Variants in SYT1 observed in about 807,000 individuals in gnomAD.
The protein encoded by SYT1 is synaptotagmin-1.
Under a neutral mutation model 44.8 loss-of-function variants are expected in SYT1, and 8 were observed. The ratio of observed to expected loss-of-function variants is 0.18; its 90% CI spans 0.10 to 0.32. SYT1 has a LOEUF of 0.32. Among genes scored for constraint, SYT1 ranks in the 10% least tolerant of loss-of-function variants. The probability of loss-of-function intolerance (pLI) is 1.00; values close to 1 mark genes in which losing one functional copy is unlikely to be tolerated. For synonymous variants in SYT1, 154 were observed against 188.8 expected (o/e 0.82, Z 1.51); for missense variants, 286 against 509.3 (o/e 0.56, Z 4.22).
chr12:79,071,305 C>T (rs554277479), intron 3 of SYT1, among the ~76,000 whole-genome samples: 2 of 152,114 alleles, frequency 1.3e-5, no homozygotes, highest in Non-Finnish European at 2.9e-5. Context: ...ATGCCAGACA[C>T]TATTATGAGT....
At chr12:79,289,311 G>A (rs144481122) in intron 5 of SYT1, among the ~76,000 whole-genome samples, 4 of 152,146 alleles carry the variant, frequency 2.6e-5, no homozygotes, top group African/African-American at 9.6e-5. Context: ...TTTTTCTTCC[G>A]AATTTTGTTC....
intron 9 of SYT1, among the ~76,000 whole-genome samples, chr12:79,358,636 A>G (rs1278993332): frequency 6.6e-6 from 1 of 152,154 alleles, no homozygotes; most frequent in African/African-American, 2.4e-5. Flanking sequence ...ACTGAAGTTC[A>G]GATCCCCCCA....
intron 10 of SYT1, 55 bp downstream of exon 10, chr12:79,444,261 T>C: frequency 6.3e-7 from 1 of 1,599,168 alleles, no homozygotes; most frequent in East Asian, 2.2e-5. Context: ...TCAGACCACA[T>C]AAATTATACA....
At chr12:79,358,907 C>A (rs1357057101) in intron 9 of SYT1, among the ~76,000 whole-genome samples, 1 of 152,186 alleles carries the variant, frequency 6.6e-6, no homozygotes, top group African/African-American at 2.4e-5. Context: ...AGTCAAATAG[C>A]TCCAGGGTGC....
At chr12:79,296,978 C>A (rs1879905871) in intron 7 of SYT1, among the ~76,000 whole-genome samples, 1 of 152,136 alleles carries the variant, frequency 6.6e-6, no homozygotes, top group South Asian at 2.1e-4. Context: ...TTACTTAGAA[C>A]AATATGTTTC....
At chr12:79,428,577 C>T (rs1387920713) in intron 9 of SYT1, among the ~76,000 whole-genome samples, 5 of 152,270 alleles carry the variant, frequency 3.3e-5, no homozygotes, top group Middle Eastern at 6.8e-3. Flanking sequence ...ATATGTGAAA[C>T]TTCTTGCAAT....
chr12:79,255,523 T>A (rs1877465034), intron 4 of SYT1, among the ~76,000 whole-genome samples: 1 of 152,180 alleles, frequency 6.6e-6, no homozygotes, highest in South Asian at 2.1e-4. Flanking sequence ...TATCTGTAAG[T>A]TATGCCTGTA....
chr12:79,216,419 C>G (rs10746078), intron 3 of SYT1, among the ~76,000 whole-genome samples: 151,846 of 152,354 alleles, frequency 1, 75,672 homozygotes, highest in Middle Eastern at 1. Flanking sequence ...ATCTTAAGTT[C>G]TGCAGGAAAA....
chr12:79,026,670 TATATATATA>T (rs1872553376), intron 2 of SYT1, among the ~76,000 whole-genome samples: 1 of 30,488 alleles, frequency 3.3e-5, no homozygotes, highest in African/African-American at 1.5e-4. Flanking sequence ...ATATATTTTA[TATATATATA>T]TATATATATA....
chr12:78,913,496 C>CA (rs1373342513), intron 1 of SYT1, among the ~76,000 whole-genome samples: 1 of 151,596 alleles, frequency 6.6e-6, no homozygotes, highest in Non-Finnish European at 1.5e-5. Context: ...ATACATGCTT[C>CA]AAAAATGCTT....
chr12:79,165,881 T>C (rs1283369558), intron 3 of SYT1, among the ~76,000 whole-genome samples: 1 of 152,036 alleles, frequency 6.6e-6, no homozygotes, highest in Non-Finnish European at 1.5e-5. Context: ...TCTAGGAAAC[T>C]TAAATTTCAT....
In SYT1 at chr12:79,379,703, C is replaced by T. The variant is rs149094666; in HGVS notation, c.928+26084C>T. Among the ~76,000 whole-genome samples the T allele has an allele frequency of 1.0e-3, 158 of 152,074 alleles. 1 individual carries two copies. Among genetic ancestry groups the T allele is most frequent in the African/African-American group, 3.6e-3 (151 of 41,488 alleles). Reference sequence around the variant, plus strand: ...TTTATATACTGAAGAATCAATCATCCAATAGAAATCTAGCTTTGATAACTA... The same window carrying T: ...TTTATATACTGAAGAATCAATCATCTAATAGAAATCTAGCTTTGATAACTA... On this transcript the variant is annotated intron_variant, in intron 9 of 10. Coordinates refer to ENST00000261205, the MANE Select transcript of SYT1 (RefSeq NM_005639.3).
intron 6 of SYT1, among the ~76,000 whole-genome samples, chr12:79,295,705 C>T (rs548957553): frequency 9.2e-5 from 14 of 152,296 alleles, no homozygotes; most frequent in Middle Eastern, 3.4e-3. Context: ...TGCATTTTCA[C>T]TTACAAATCA....
intron 2 of SYT1, among the ~76,000 whole-genome samples, chr12:79,019,854 T>C (rs1872067225): frequency 6.6e-6 from 1 of 151,684 alleles, no homozygotes; most frequent in Non-Finnish European, 1.5e-5. Flanking sequence ...ATTTAACAAG[T>C]AGATGTTTCC....
At chr12:78,945,468 CTATATA>C (rs35939696) in intron 1 of SYT1, among the ~76,000 whole-genome samples, 8,350 of 146,224 alleles carry the variant, frequency 0.057, 266 homozygotes, top group Admixed American at 0.094. Flanking sequence ...TTATGTGTGT[CTATATA>C]TATATATATA....
intron 8 of SYT1, among the ~76,000 whole-genome samples, chr12:79,334,484 GAT>G (rs1881998672): frequency 6.6e-6 from 1 of 152,252 alleles, no homozygotes; most frequent in East Asian, 1.9e-4. Flanking sequence ...GCTCGGCGAG[GAT>G]ATGACAGTGA....
intron 1 of SYT1, among the ~76,000 whole-genome samples, chr12:78,949,191 G>A (rs1468461907): frequency 2.6e-5 from 4 of 151,060 alleles, no homozygotes; most frequent in African/African-American, 4.8e-5. Context: ...TGAACCATAG[G>A]CAAAAAATAC....
chr12:78,977,103 G>GA (rs932931950), intron 1 of SYT1, among the ~76,000 whole-genome samples: 13 of 150,146 alleles, frequency 8.7e-5, no homozygotes, highest in African/African-American at 2.7e-4. Flanking sequence ...AAAAAGAAGA[G>GA]AAAAAAATGT....
chr12:78,998,539 G>C (rs1225236892), intron 2 of SYT1, among the ~76,000 whole-genome samples: 1 of 152,148 alleles, frequency 6.6e-6, no homozygotes, highest in African/African-American at 2.4e-5. Context: ...AGTAAGATTT[G>C]CTGAAAGGAT....
Sources: allele counts gnomAD v4.1 joint callset (sites outside exome capture counted in the v4.1 genomes callset), GRCh38; gene constraint gnomAD v4.1.1; transcripts MANE v1.5; gene names NCBI Gene and HGNC (gene_info 2026-07-23, HGNC 2026-07-21).